Variants in VPS8 observed in about 807,000 individuals in gnomAD.
VPS8 encodes the protein vacuolar protein sorting-associated protein 8 homolog.
A neutral mutation model predicts 216.4 loss-of-function variants in VPS8; 129 were observed. The ratio of observed to expected loss-of-function variants is 0.60; its 90% confidence interval spans 0.52 to 0.69. The LOEUF is 0.69. VPS8 is among the 30% of genes least tolerant of loss of function. VPS8 has a pLI of 0.00. For missense variants in VPS8, 1,531 were observed against 1,683.5 expected (o/e 0.91, Z 1.59); for synonymous variants, 571 against 565.4 (o/e 1.01, Z -0.14).
chr3:184,853,015 A>G (rs1724602006), intron 11 of VPS8, among the ~76,000 whole-genome samples: 1 of 152,218 alleles, frequency 6.6e-6, no homozygotes, highest in Non-Finnish European at 1.5e-5. Context: ...AAAGTAGAAC[A>G]TAATATTCAT....
At chr3:184,840,545 A>T (rs987534367) in intron 7 of VPS8, 1 of 151,900 alleles carries the variant, frequency 6.6e-6, no homozygotes, top group Non-Finnish European at 1.5e-5. Flanking sequence ...TACTGAAAAA[A>T]AAATAAATAA....
intron 16 of VPS8, among the ~76,000 whole-genome samples, chr3:184,865,117 A>G (rs953978196): frequency 2.0e-5 from 3 of 152,190 alleles, no homozygotes; most frequent in Admixed American, 2.0e-4. Flanking sequence ...AACAATAGAA[A>G]TTATACAAAA....
intron 19 of VPS8, 87 bp from the exon 20 acceptor site, chr3:184,869,395 A>G (rs1727936607): frequency 4.4e-6 from 6 of 1,372,608 alleles, no homozygotes; most frequent in Middle Eastern, 1.8e-4. Flanking sequence ...GTTGTTTCAC[A>G]TCTTATAAAT....
chr3:184,832,706 G>A lies in VPS8; in HGVS notation c.240G>A (p.Glu80=), dbSNP rs775809563. The part of the protein sequence containing the change: ...SILNETDDED[E]SFILEDPTLL... ...CAATTTAGACTGATGATGAAGATGA[G>A]TCTTTTATTCTTGAGGATCCTACAT... The change falls in exon 4 of 48, where the codon GAG becomes GAA. Residue 80 remains glutamate, a synonymous_variant. Coordinates refer to ENST00000625842, the MANE Select transcript of VPS8 (RefSeq NM_001009921.3). 1.2e-6 allele frequency: 2 copies of A among 1,601,782 alleles called. No homozygotes were observed. The highest frequency in any genetic ancestry group is 1.1e-5 in the South Asian group (1 of 89,802).
At chr3:184,971,255 A>G (rs780852005) in intron 39 of VPS8, among the ~76,000 whole-genome samples, 8 of 152,224 alleles carry the variant, frequency 5.3e-5, no homozygotes, top group Non-Finnish European at 1.2e-4. Context: ...TGAGAAAATG[A>G]AGAGAGACCT....
chr3:184,963,694 G>C (rs544045069), intron 37 of VPS8, among the ~76,000 whole-genome samples: 2 of 152,112 alleles, frequency 1.3e-5, no homozygotes, highest in East Asian at 3.9e-4. Flanking sequence ...TTCTAACCTT[G>C]TTCCTGATTT....
chr3:185,033,012 G>A (rs34300523), intron 46 of VPS8, among the ~76,000 whole-genome samples: 77,497 of 151,978 alleles, frequency 0.51, 20,714 homozygotes, highest in East Asian at 0.67. Context: ...ACAGAAAAGT[G>A]GAGCAGTAAG....
chr3:184,878,759 A>G (rs549221552), intron 21 of VPS8, among the ~76,000 whole-genome samples: 39 of 152,324 alleles, frequency 2.6e-4, no homozygotes, highest in African/African-American at 8.9e-4. Context: ...TGAAAGAAGA[A>G]AAGAAAAATA....
At position 184,920,132 on chromosome 3, in the gene VPS8, T is replaced by C. The variant is rs1170330679; in HGVS notation, c.2388T>C (p.Phe796=). Residue 796 remains phenylalanine, a synonymous_variant, in exon 29 of 48, where the codon TTT becomes TTC. Transcript: ENST00000625842. The part of the protein sequence containing the change: ...REFLNVLALT[F]EDFKNDKQAV... ...AATTTATTTCTCCCTTTTAGACTTTTGAAGATTTTAAAAATGACAAGCAAG... is the reference window on the plus strand; with the variant it reads ...AATTTATTTCTCCCTTTTAGACTTTCGAAGATTTTAAAAATGACAAGCAAG... 3.9e-6 allele frequency: 6 copies of C among 1,522,988 alleles called. No homozygotes were observed. Among genetic ancestry groups the C allele is most frequent in the Non-Finnish European group, 5.3e-6 (6 of 1,137,078 alleles). 94.3% of individuals were successfully genotyped at this position (1,522,988 alleles called of 1,614,324 possible).
chr3:185,006,931 A>G (rs4546129), intron 45 of VPS8, among the ~76,000 whole-genome samples: 30,779 of 152,174 alleles, frequency 0.2, 3,437 homozygotes, highest in African/African-American at 0.3. Context: ...ACAGGATGCA[A>G]TAGTTACCCT....
rs1456784350 is a variant in VPS8, at chr3:184,843,261, T to G, written c.541+16T>G. 7 of 1,397,878 alleles carry G rather than the reference T, an allele frequency of 5.0e-6. No individual in the cohort carries two copies. The highest frequency in any genetic ancestry group is 4.8e-5 in the Admixed American group (2 of 41,824). 86.6% of individuals were successfully genotyped at this position (1,397,878 alleles called of 1,614,324 possible). ...AAAGGAAAAGGTATAGTAAGTAATT[T>G]TAGTTTGCATGAATGGTTTCTTTTG... On this transcript the variant is annotated intron_variant, in intron 8 of 47. Coordinates refer to ENST00000625842, the MANE Select transcript of VPS8 (RefSeq NM_001009921.3).
At position 184,849,973 on chromosome 3, in the gene VPS8, G is replaced by T; in HGVS notation, c.704G>T (p.Arg235Ile). The T allele has an allele frequency of 6.2e-7, 1 of 1,613,420 alleles. No homozygotes were observed. Among genetic ancestry groups the T allele is most frequent in the Non-Finnish European group, 8.5e-7 (1 of 1,179,688 alleles). Residue 235 changes from arginine (R) to isoleucine (I), a missense_variant, in exon 10 of 48, where the codon AGA (arginine) becomes ATA (isoleucine). Arg to Ile is a moderately conservative substitution (Grantham distance 97). Coordinates refer to ENST00000625842, the MANE Select transcript of VPS8 (RefSeq NM_001009921.3). ...GATTTGGCCAGTGGAAAACTTCTAAGATCAATAACAGATGCTCATCCTCCA... is the reference window on the plus strand; with the variant it reads ...GATTTGGCCAGTGGAAAACTTCTAATATCAATAACAGATGCTCATCCTCCA... The part of the protein sequence containing the change: ...MWDLASGKLL[R>I]SITDAHPPGT...
At chr3:185,013,528 GTGTCTGGGAT>G (rs1755345343) in intron 45 of VPS8, among the ~76,000 whole-genome samples, 1 of 152,214 alleles carries the variant, frequency 6.6e-6, no homozygotes, top group African/African-American at 2.4e-5. Flanking sequence ...AAGGTCAGGT[GTGTCTGGGAT>G]ACTTTAAATA....
intron 40 of VPS8, among the ~76,000 whole-genome samples, chr3:184,977,405 T>C (rs933802946): frequency 1.3e-5 from 2 of 152,208 alleles, no homozygotes; most frequent in African/African-American, 4.8e-5. Context: ...TTCTCTAGGT[T>C]GTGTGTTTAC....
intron 17 of VPS8, among the ~76,000 whole-genome samples, chr3:184,867,795 A>G (rs1274324108): frequency 1.3e-5 from 2 of 152,204 alleles, no homozygotes; most frequent in Non-Finnish European, 2.9e-5. Flanking sequence ...GCAGTAAGCC[A>G]AGATCCCGCT....
intron 31 of VPS8, 120 bp downstream of exon 31, chr3:184,926,770 C>T (rs1046213700): frequency 3.1e-6 from 3 of 968,610 alleles, no homozygotes; most frequent in Non-Finnish European, 4.5e-6. Context: ...AACCCTAATA[C>T]GAAGTTAGAG....
At chr3:184,929,016 C>A (rs533237998) in intron 32 of VPS8, among the ~76,000 whole-genome samples, 1 of 152,020 alleles carries the variant, frequency 6.6e-6, no homozygotes, top group Non-Finnish European at 1.5e-5. Context: ...TTCACTATTT[C>A]TTATGTGATA....
chr3:184,953,491 G>T lies in VPS8; in HGVS notation c.3036-3883G>T, dbSNP rs11713588. On this transcript the variant is annotated intron_variant, in intron 36 of 47. Coordinates refer to ENST00000625842, the MANE Select transcript of VPS8 (RefSeq NM_001009921.3). Reference sequence around the variant, plus strand: ...GAATATTAAGGTTTGGCTTGTGGGCGTGACTCTCTTCAGACCCTTTAGGAA... The same window carrying T: ...GAATATTAAGGTTTGGCTTGTGGGCTTGACTCTCTTCAGACCCTTTAGGAA... Among the ~76,000 whole-genome samples, 409 of 152,098 alleles carry T rather than the reference G, an allele frequency of 2.7e-3. 2 individuals carry two copies. Among genetic ancestry groups the T allele is most frequent in the African/African-American group, 9.7e-3 (404 of 41,504 alleles).
intron 31 of VPS8, among the ~76,000 whole-genome samples, chr3:184,927,220 T>C (rs1739819572): frequency 6.6e-6 from 1 of 152,176 alleles, no homozygotes; most frequent in Admixed American, 6.5e-5. Context: ...CCCACCATAA[T>C]TGTGGGCACT....
Sources: gnomAD v4.1 joint callset for allele counts (sites outside exome capture counted in the v4.1 genomes callset) on GRCh38, gnomAD v4.1.1 for gene constraint, MANE v1.5 for transcripts, NCBI Gene and HGNC (gene_info 2026-07-23, HGNC 2026-07-21) for gene names.